The following TOGARAM2 variants were observed in gnomAD, a reference collection of about 807,000 sequenced individuals.
The protein encoded by TOGARAM2 is TOG array regulator of axonemal microtubules 2.
In TOGARAM2, 85 loss-of-function variants were observed where a neutral mutation model predicts 93.3. That is an observed-to-expected ratio of 0.91 (90% CI 0.76 to 1.09). The LOEUF (loss-of-function observed/expected upper bound fraction) is 1.09. TOGARAM2 is among the 50% of genes least tolerant of loss of function. The pLI is 0.00. For missense variants in TOGARAM2, 1,277 were observed against 1,334.5 expected, an observed-to-expected ratio of 0.96 and a Z score of 0.67; for synonymous variants, 593 against 552.8, an observed-to-expected ratio of 1.07 and a Z score of -1.02.
chr2:29,006,069 G>T (rs1663776603), intron 6 of TOGARAM2, among the ~76,000 whole-genome samples: 1 of 129,206 alleles, frequency 7.7e-6, no homozygotes, highest in Non-Finnish European at 1.7e-5. Flanking sequence ...GTATGTGTAT[G>T]TGTGAGAGCA....
chr2:29,003,410 A>C, intron 5 of TOGARAM2, 82 bp from the exon 6 acceptor site: 1 of 1,220,594 alleles, frequency 8.2e-7, no homozygotes. Flanking sequence ...AGCAGGTCCC[A>C]CACTGTGTGA....
rs111850169 is a variant in TOGARAM2 at position 28,986,332 on chromosome 2, G to A, written c.-111+4794G>A. ...CAGAATTTCCTGGGGTTGTGGAGGG[G>A]GGATGTTTTAAATGCTGCGGCCCAT... On this transcript the variant is annotated intron_variant, in intron 1 of 19. Coordinates refer to ENST00000379558, the MANE Select transcript of TOGARAM2 (RefSeq NM_199280.4). Among the ~76,000 whole-genome samples, 1,039 of 152,156 alleles carry A rather than the reference G, an allele frequency of 6.8e-3. 13 individuals are homozygous for A. Among genetic ancestry groups the A allele is most frequent in the Non-Finnish European group, 5.9e-3 (398 of 68,004 alleles).
In TOGARAM2 at chr2:29,026,916, C is replaced by A; in HGVS notation, c.1917C>A (p.Ile639=). The A allele has an allele frequency of 6.3e-7, 1 of 1,587,376 alleles. No homozygotes were observed. The highest frequency in any genetic ancestry group is 8.6e-7 in the Non-Finnish European group (1 of 1,166,944). Residue 639 remains isoleucine, a synonymous_variant, in exon 14 of 20, where the codon ATC becomes ATA. Transcript: ENST00000379558. ...AEHLSAVLEQ[I]GAEKLLSGTR... ...ACCTCTCAGCTGTGCTGGAGCAGATCGGCGCTGAGAAGCTTCTCTCGGGCA... is the reference window on the plus strand; with the variant it reads ...ACCTCTCAGCTGTGCTGGAGCAGATAGGCGCTGAGAAGCTTCTCTCGGGCA...
upstream of TOGARAM2, among the ~76,000 whole-genome samples, chr2:28,980,922 A>G (rs1194527645): frequency 6.6e-6 from 1 of 152,234 alleles, no homozygotes; most frequent in Non-Finnish European, 1.5e-5. Flanking sequence ...AGCTGGAAGT[A>G]GCAGGATCAG....
chr2:28,980,048 A>C (rs577497245), upstream of TOGARAM2, among the ~76,000 whole-genome samples: 1 of 152,272 alleles, frequency 6.6e-6, no homozygotes, highest in African/African-American at 2.4e-5. Flanking sequence ...GGGCATCTTC[A>C]TACCTGTCTC....
At chr2:28,972,988 C>T (rs548204187) in intron 1 of TOGARAM2, among the ~76,000 whole-genome samples, 50 of 152,358 alleles carry the variant, frequency 3.3e-4, no homozygotes, top group African/African-American at 1.0e-3. Flanking sequence ...CCCAATCCCT[C>T]GTGGCTGGTT....
At chr2:29,041,832 C>T (rs563022663) in intron 18 of TOGARAM2, among the ~76,000 whole-genome samples, 16 of 152,326 alleles carry the variant, frequency 1.1e-4, no homozygotes, top group African/African-American at 3.9e-4. Flanking sequence ...ATTCTAGCCT[C>T]TTCATTGGTC....
intron 1 of TOGARAM2, among the ~76,000 whole-genome samples, chr2:28,958,736 G>A (rs1426681957): frequency 6.6e-6 from 1 of 152,078 alleles, no homozygotes; most frequent in African/African-American, 2.4e-5. Context: ...AGGCTTGTCG[G>A]GATTGTCCAG....
upstream of TOGARAM2, among the ~76,000 whole-genome samples, chr2:28,978,685 G>A (rs1014184389): frequency 2.6e-5 from 4 of 152,160 alleles, no homozygotes; most frequent in African/African-American, 9.7e-5. Context: ...ACTTTCAAGA[G>A]CCCTCTTCCC....
At chr2:28,983,125 G>A (rs1672283585) in intron 1 of TOGARAM2, among the ~76,000 whole-genome samples, 1 of 148,646 alleles carries the variant, frequency 6.7e-6, no homozygotes, top group East Asian at 2.0e-4. Context: ...GTAGCTGGGT[G>A]TACAGGTGCA....
chr2:29,018,304 G>C (rs796993172), intron 10 of TOGARAM2: 5 of 240,192 alleles, frequency 2.1e-5, no homozygotes, highest in African/African-American at 1.1e-4. Context: ...GAGAGGATTG[G>C]GGAAGACCTC....
At chr2:28,974,082 C>T (rs1052540418) in intron 1 of TOGARAM2, among the ~76,000 whole-genome samples, 9 of 148,490 alleles carry the variant, frequency 6.1e-5, no homozygotes, top group South Asian at 4.3e-4. Flanking sequence ...GCTTTCAAGA[C>T]TTTCTCTTTG....
chr2:28,999,369 C>A lies in TOGARAM2; in HGVS notation c.328C>A (p.Pro110Thr), dbSNP rs749425716. 1.2e-6 allele frequency: 2 copies of A among 1,613,518 alleles called. No homozygotes were observed. Among genetic ancestry groups the A allele is most frequent in the South Asian group, 2.2e-5 (2 of 90,902 alleles). The stretch of plus-strand genomic sequence containing the variant: ...CCAGCCCCTGGTGCTCCTCCCTTCT[C>A]CGGAGTCAGAGGCCAACAGCGTGGC... ...GDQPLVLLPS[P>T]ESEANSVARD... The change falls in exon 4 of 20, where the codon CCG becomes ACG. Residue 110 changes from proline (P) to threonine (T), a missense_variant. Physicochemically the swap from Pro to Thr is conservative, Grantham distance 38. Transcript: ENST00000379558.
At chr2:29,000,955 T>G (rs937239507) in intron 4 of TOGARAM2, among the ~76,000 whole-genome samples, 1 of 152,246 alleles carries the variant, frequency 6.6e-6, no homozygotes, top group Non-Finnish European at 1.5e-5. Context: ...TTCATTTCTT[T>G]TTTACAAAGT....
At position 28,998,351 on chromosome 2, in the gene TOGARAM2, A is replaced by T. The variant is rs1015352416; in HGVS notation, c.139+98A>T. ...CCGGCTGTGTTCTCGAGCTACCAGC[A>T]GGTGTTATTTTTCCTGTGGCTCCTG... On this transcript the variant is annotated intron_variant, in intron 3 of 19. Coordinates refer to ENST00000379558, the MANE Select transcript of TOGARAM2 (RefSeq NM_199280.4). 23 of 781,334 alleles carry T rather than the reference A, an allele frequency of 2.9e-5. No individual in the cohort carries two copies. In the African/African-American group the frequency reaches 3.9e-4, roughly 13 times the overall value. The allele number at this position is 781,334 out of a possible 1,614,324, so 48.4% of individuals were successfully genotyped here.
chr2:28,964,025 A>G (rs981757381), intron 1 of TOGARAM2, among the ~76,000 whole-genome samples: 6 of 152,198 alleles, frequency 3.9e-5, no homozygotes, highest in Non-Finnish European at 8.8e-5. Flanking sequence ...AAGAATGTGT[A>G]TCTGCTATTG....
chr2:29,049,037 T>TC (rs1455052985), intron 19 of TOGARAM2: 1 of 151,106 alleles, frequency 6.6e-6, no homozygotes, highest in Non-Finnish European at 1.5e-5. Context: ...TGTATTTTTT[T>TC]TTTTTTTTTA....
intron 6 of TOGARAM2, among the ~76,000 whole-genome samples, chr2:29,007,127 A>G (rs1663926261): frequency 6.6e-6 from 1 of 151,884 alleles, no homozygotes; most frequent in African/African-American, 2.4e-5. Context: ...TGGGGCCCTT[A>G]TGTGTGCCCA....
At chr2:29,004,966 G>A (rs1673576313) in intron 6 of TOGARAM2, among the ~76,000 whole-genome samples, 1 of 143,360 alleles carries the variant, frequency 7.0e-6, no homozygotes, top group Non-Finnish European at 1.5e-5. Flanking sequence ...GTGTATGTGT[G>A]TGAGTGCATG....
Sources: gnomAD v4.1 joint callset for allele counts (sites outside exome capture counted in the v4.1 genomes callset) on GRCh38, gnomAD v4.1.1 for gene constraint, MANE v1.5 for transcripts, NCBI Gene and HGNC (gene_info 2026-07-23, HGNC 2026-07-21) for gene names.